Variants in TAOK3 observed in about 807,000 individuals in gnomAD.
The protein encoded by TAOK3 is TAO kinase 3.
Under a neutral mutation model 120.4 loss-of-function variants are expected in TAOK3, and 40 were observed. The ratio of observed to expected loss-of-function variants is 0.33; its 90% CI spans 0.26 to 0.43. TAOK3 has a LOEUF of 0.43. TAOK3 is among the 20% of genes least tolerant of loss of function. The pLI is 1.00. For synonymous variants in TAOK3, 355 were observed against 387.5 expected (o/e 0.92, Z 0.99); for missense variants, 821 against 1,112.1 (o/e 0.74, Z 3.72).
intron 5 of TAOK3, 65 bp downstream of exon 5, chr12:118,243,350 T>TAAAAGAAAA: frequency 1.2e-6 from 1 of 832,672 alleles, no homozygotes; most frequent in African/African-American, 1.8e-5. Context: ...ATCAAATAGA[T>TAAAAGAAAA]AATAGAAAAA....
At chr12:118,273,469 C>T (rs1043528129) in intron 1 of TAOK3, among the ~76,000 whole-genome samples, 2 of 151,590 alleles carry the variant, frequency 1.3e-5, no homozygotes, top group Non-Finnish European at 2.9e-5. Flanking sequence ...CACCACTGCA[C>T]TCCAGCCTGG....
chr12:118,300,813 T>C (rs1255850919), intron 1 of TAOK3, among the ~76,000 whole-genome samples: 3 of 152,146 alleles, frequency 2.0e-5, no homozygotes, highest in Non-Finnish European at 4.4e-5. Context: ...TCTTGCTCTA[T>C]TGTCCAGGCT....
intron 1 of TAOK3, among the ~76,000 whole-genome samples, chr12:118,351,208 C>T (rs557352613): frequency 2.6e-5 from 4 of 152,084 alleles, no homozygotes; most frequent in South Asian, 4.2e-4. Context: ...AAATCTGAGG[C>T]ATAACTAGGA....
chr12:118,341,638 C>T (rs1017969716), intron 1 of TAOK3, among the ~76,000 whole-genome samples: 6 of 152,158 alleles, frequency 3.9e-5, no homozygotes, highest in South Asian at 2.1e-4. Flanking sequence ...GGGTTGACTT[C>T]ATTTTTGCCT....
rs959372710 is a variant in TAOK3 at position 118,219,370 on chromosome 12, C to A, written c.644-5260G>T. Among the ~76,000 whole-genome samples, 3 of 152,078 alleles carry A rather than the reference C, an allele frequency of 2.0e-5. No individual in the cohort carries two copies. In the East Asian group the frequency reaches 5.8e-4, roughly 29 times the overall value. On this transcript the variant is annotated intron_variant, in intron 9 of 20. Transcript: ENST00000392533. ...GGCTCAAGTGATCCTCCTCCCTTAGCCTCCCAAAGTGCTAGTATTACAGGC... is the reference window on the plus strand; with the variant it reads ...GGCTCAAGTGATCCTCCTCCCTTAGACTCCCAAAGTGCTAGTATTACAGGC...
chr12:118,229,896 A>C (rs2039685349), intron 9 of TAOK3, among the ~76,000 whole-genome samples: 1 of 152,094 alleles, frequency 6.6e-6, no homozygotes, highest in Non-Finnish European at 1.5e-5. Flanking sequence ...ACACCACTGC[A>C]CTCTAGCCTG....
At chr12:118,204,765 C>T (rs1228182522) in intron 11 of TAOK3, among the ~76,000 whole-genome samples, 2 of 152,192 alleles carry the variant, frequency 1.3e-5, no homozygotes, top group East Asian at 3.9e-4. Flanking sequence ...CATGGTGGCT[C>T]ATTCCTGTAA....
intron 14 of TAOK3, among the ~76,000 whole-genome samples, chr12:118,184,734 G>A (rs1430609858): frequency 6.6e-6 from 1 of 152,202 alleles, no homozygotes; most frequent in Admixed American, 6.5e-5. Context: ...TACAATGGCA[G>A]TCTCAAAAAT....
intron 1 of TAOK3, among the ~76,000 whole-genome samples, chr12:118,302,230 A>G (rs79609995): frequency 0.02 from 3,096 of 152,314 alleles, 110 homozygotes; most frequent in African/African-American, 0.071. Context: ...AGTGACAGGA[A>G]GCAGAGCAAA....
At chr12:118,268,877 G>A (rs1422932826) in intron 1 of TAOK3, among the ~76,000 whole-genome samples, 3 of 151,906 alleles carry the variant, frequency 2.0e-5, no homozygotes, top group Admixed American at 6.6e-5. Flanking sequence ...GTGTGGTGGC[G>A]CATTCCTGTA....
intron 1 of TAOK3, among the ~76,000 whole-genome samples, chr12:118,270,397 G>A (rs1882689475): frequency 6.6e-6 from 1 of 152,048 alleles, no homozygotes; most frequent in African/African-American, 2.4e-5. Flanking sequence ...TCACAGCTCT[G>A]CTCAAAATCT....
chr12:118,254,582 T>C (rs2040898866), intron 3 of TAOK3, among the ~76,000 whole-genome samples: 1 of 152,072 alleles, frequency 6.6e-6, no homozygotes, highest in South Asian at 2.1e-4. Context: ...TCTTGAACAG[T>C]AAAGGGTATC....
intron 1 of TAOK3, among the ~76,000 whole-genome samples, chr12:118,271,001 T>C (rs1460252864): frequency 6.6e-6 from 1 of 152,124 alleles, no homozygotes; most frequent in African/African-American, 2.4e-5. Flanking sequence ...TAAAACCTAC[T>C]ATTTTCTCCC....
At chr12:118,220,225 T>A (rs953839896) in intron 9 of TAOK3, among the ~76,000 whole-genome samples, 13 of 152,250 alleles carry the variant, frequency 8.5e-5, no homozygotes, top group Non-Finnish European at 5.9e-5. Flanking sequence ...TTATTTAATG[T>A]GTGTCTTCTT....
At chr12:118,168,519 C>T (rs1379147150) in intron 17 of TAOK3, among the ~76,000 whole-genome samples, 1 of 152,136 alleles carries the variant, frequency 6.6e-6, no homozygotes, top group Non-Finnish European at 1.5e-5. Flanking sequence ...TTAAAAAGAA[C>T]TTTCACTACT....
intron 3 of TAOK3, among the ~76,000 whole-genome samples, chr12:118,245,398 C>A (rs984607950): frequency 6.6e-5 from 10 of 152,020 alleles, no homozygotes; most frequent in African/African-American, 2.4e-4. Context: ...CTCACTGTAG[C>A]CTCTGCCTCC....
chr12:118,221,593 G>A (rs1246714482), intron 9 of TAOK3, among the ~76,000 whole-genome samples: 3 of 150,920 alleles, frequency 2.0e-5, no homozygotes, highest in Non-Finnish European at 1.5e-5. Context: ...AATTGGGAAC[G>A]CTTCTGAAGA....
chr12:118,183,003 T>C (rs2138932469), intron 14 of TAOK3, among the ~76,000 whole-genome samples: 1 of 152,238 alleles, frequency 6.6e-6, no homozygotes, highest in South Asian at 2.1e-4. Context: ...TCTCTCTTTA[T>C]TTTCCTGATC....
chr12:118,335,329 T>C (rs1280255230), intron 1 of TAOK3, among the ~76,000 whole-genome samples: 3 of 151,856 alleles, frequency 2.0e-5, no homozygotes, highest in Non-Finnish European at 4.4e-5. Flanking sequence ...AAAAGGATAG[T>C]AGGGGAATAC....
Sources: gnomAD v4.1 joint callset for allele counts (sites outside exome capture counted in the v4.1 genomes callset) on GRCh38, gnomAD v4.1.1 for gene constraint, MANE v1.5 for transcripts, NCBI Gene and HGNC (gene_info 2026-07-23, HGNC 2026-07-21) for gene names.